The following DSTYK variants were observed in gnomAD, a reference collection of about 807,000 sequenced individuals.
DSTYK encodes dual serine/threonine and tyrosine protein kinase.
DSTYK carries 34 observed loss-of-function variants against 98.7 expected under a neutral mutation model. That is an observed-to-expected ratio of 0.34 (90% CI 0.26 to 0.46). DSTYK has a LOEUF of 0.46. Ranked by LOEUF, DSTYK falls within the 20% of genes least tolerant of loss-of-function variation. DSTYK has a pLI of 1.00. For synonymous variants in DSTYK, 462 were observed against 457.3 expected, an observed-to-expected ratio of 1.01 and a Z score of -0.13; for missense variants, 962 against 1,181.7, an observed-to-expected ratio of 0.81 and a Z score of 2.73.
chr1:205,193,905 C>T (rs552492198), intron 1 of DSTYK, among the ~76,000 whole-genome samples: 1 of 151,624 alleles, frequency 6.6e-6, no homozygotes, highest in South Asian at 2.1e-4. Context: ...ACTAGCAATC[C>T]TCTTCTCTGA....
intron 1 of DSTYK, among the ~76,000 whole-genome samples, chr1:205,189,399 A>G (rs1006515658): frequency 1.3e-5 from 2 of 152,264 alleles, no homozygotes; most frequent in African/African-American, 4.8e-5. Context: ...GCATTTGTTC[A>G]GAAAAGCACA....
intron 5 of DSTYK, 33 bp from the exon 6 acceptor site, chr1:205,162,245 A>T (rs745591648): frequency 1.3e-5 from 21 of 1,607,464 alleles, no homozygotes; most frequent in Middle Eastern, 3.3e-4. Context: ...ATCACCAAGG[A>T]ATGAGAGACA....
At chr1:205,163,329 C>T (rs1291352903) in intron 4 of DSTYK, among the ~76,000 whole-genome samples, 2 of 152,052 alleles carry the variant, frequency 1.3e-5, no homozygotes, top group African/African-American at 4.8e-5. Context: ...AAGCGATTCT[C>T]CTGCCTCAGC....
intron 3 of DSTYK, among the ~76,000 whole-genome samples, 190 bp from the exon 4 acceptor site, chr1:205,164,145 C>T (rs1373240039): frequency 6.6e-6 from 1 of 152,118 alleles, no homozygotes; most frequent in African/African-American, 2.4e-5. Flanking sequence ...CTAAAGGCAG[C>T]TAAGATCCTG....
Position 205,144,543 on chromosome 1 carries a change from A to C in DSTYK, c.*3015T>G, listed in dbSNP as rs899854959. ...ATGGATGCCAAAGAACAAAGCCAAA[A>C]TTAGCTGACAATGTTATAAAACAAA... is the stretch of plus-strand genomic sequence containing the variant. On this transcript the variant is annotated 3_prime_UTR_variant, in exon 13 of 13. Coordinates refer to ENST00000367162, the MANE Select transcript of DSTYK (RefSeq NM_015375.3). The C allele has an allele frequency of 6.6e-6, 1 of 152,622 alleles. No individual in the cohort carries two copies. Among genetic ancestry groups the C allele is most frequent in the Admixed American group, 6.5e-5 (1 of 15,282 alleles). The allele number at this position is 152,622 out of a possible 1,614,324, so 9.5% of individuals were successfully genotyped here. A position where few individuals can be genotyped will look rare whatever the true frequency, so the allele number is the denominator to read the frequency against.
At chr1:205,189,744 C>G (rs1658657030) in intron 1 of DSTYK, among the ~76,000 whole-genome samples, 1 of 152,138 alleles carries the variant, frequency 6.6e-6, no homozygotes, top group Non-Finnish European at 1.5e-5. Flanking sequence ...TAGGGCCCTT[C>G]TTTTCATGTC....
intron 10 of DSTYK, among the ~76,000 whole-genome samples, chr1:205,151,866 A>G (rs1657416105): frequency 6.6e-6 from 1 of 151,524 alleles, no homozygotes; most frequent in Non-Finnish European, 1.5e-5. Flanking sequence ...TGACAGCAAC[A>G]CCTTCTTCTG....
intron 2 of DSTYK, among the ~76,000 whole-genome samples, chr1:205,182,365 T>G (rs962236496): frequency 6.6e-6 from 1 of 151,710 alleles, no homozygotes; most frequent in South Asian, 2.1e-4. Flanking sequence ...ACTCCCAGCC[T>G]GGACAACAGA....
At chr1:205,172,006 A>G (rs1033497828) in intron 2 of DSTYK, among the ~76,000 whole-genome samples, 5 of 152,202 alleles carry the variant, frequency 3.3e-5, no homozygotes. Flanking sequence ...CCCATGCTGG[A>G]GTGCAATGGC....
chr1:205,192,999 T>C (rs1221217207), intron 1 of DSTYK, among the ~76,000 whole-genome samples: 3 of 152,170 alleles, frequency 2.0e-5, no homozygotes, highest in Non-Finnish European at 4.4e-5. Flanking sequence ...TTAGTAACTG[T>C]AGGACCTCAA....
Position 205,147,701 on chromosome 1 carries a change from G to C in DSTYK, c.2647C>G (p.Gln883Glu). The change falls in exon 13 of 13, where the codon CAG becomes GAG. Residue 883 changes from glutamine to glutamate, a missense_variant. Transcript: ENST00000367162. ...CCATCCCAACAGGCTTCCATCAACT[G>C]CCAGCACTCCTCATCAAACACAGGA... ...RLPVFDEECW[Q>E]LMEACWDGDP... is the part of the protein sequence containing the mutation. The C allele has an allele frequency of 1.9e-6, 3 of 1,614,060 alleles. No individual in the cohort carries two copies. Among genetic ancestry groups the C allele is most frequent in the Non-Finnish European group, 2.5e-6 (3 of 1,179,992 alleles).
At chr1:205,172,522 G>T (rs1355597135) in intron 2 of DSTYK, among the ~76,000 whole-genome samples, 9 of 144,338 alleles carry the variant, frequency 6.2e-5, no homozygotes, top group Non-Finnish European at 1.2e-4. Flanking sequence ...TTGCCATGTT[G>T]CCCAGGTTGG....
intron 2 of DSTYK, among the ~76,000 whole-genome samples, chr1:205,182,263 T>C (rs796144647): frequency 6.6e-6 from 1 of 151,554 alleles, no homozygotes; most frequent in African/African-American, 2.4e-5. Context: ...TAGTCAGGCA[T>C]GGTGACGCAC....
chr1:205,177,302 T>C (rs1658260811), intron 2 of DSTYK, among the ~76,000 whole-genome samples: 1 of 152,202 alleles, frequency 6.6e-6, no homozygotes, highest in Middle Eastern at 3.4e-3. Context: ...TTCTCTAGAG[T>C]TCTGAAGCCT....
chr1:205,175,621 G>A (rs1658206308), intron 2 of DSTYK, among the ~76,000 whole-genome samples: 1 of 152,130 alleles, frequency 6.6e-6, no homozygotes, highest in Non-Finnish European at 1.5e-5. Flanking sequence ...GTGAAGGGAT[G>A]ACTCATGCTT....
intron 5 of DSTYK, among the ~76,000 whole-genome samples, 157 bp downstream of exon 5, chr1:205,162,766 T>C (rs1221646486): frequency 1.3e-5 from 2 of 152,194 alleles, no homozygotes; most frequent in Non-Finnish European, 2.9e-5. Context: ...TATTTAAGAA[T>C]AGGCATAAAC....
Position 205,162,168 on chromosome 1 carries a change from C to CAT in DSTYK, c.1685_1686insAT (p.Glu563TrpfsTer54). 6.2e-7 allele frequency: 1 copy of CAT among 1,614,178 alleles called. No individual in the cohort carries two copies. Among genetic ancestry groups the CAT allele is most frequent in the Non-Finnish European group, 8.5e-7 (1 of 1,180,006 alleles). On this transcript the variant is annotated frameshift_variant, in exon 6 of 13. Coordinates refer to ENST00000367162, the MANE Select transcript of DSTYK (RefSeq NM_015375.3). LOFTEE classifies it high-confidence loss of function. ...CCTGGGCCACCTTCCTCTTCCATTC[C>CAT]AGAGTGATGGCAGGTGGGCTCACCC...
In DSTYK at chr1:205,169,331, T is replaced by C. The variant is rs993731260; in HGVS notation, c.1156A>G (p.Ile386Val). 6.2e-7 allele frequency: 1 copy of C among 1,614,064 alleles called. No homozygotes were observed. Reference sequence around the variant, plus strand: ...GTATATTCCAGACGTTTGGGAGTGATCTGCAGGTCCCGCTGCATGTCAAAT... The same window carrying C: ...GTATATTCCAGACGTTTGGGAGTGACCTGCAGGTCCCGCTGCATGTCAAAT... ...QAFDMQRDLQ[I>V]TPKRLEYTRK... is the part of the protein sequence containing the mutation. The change falls in exon 3 of 13, where the codon ATC becomes GTC. Residue 386 changes from isoleucine to valine, a missense_variant. Ile to Val is a conservative substitution (Grantham distance 29). Transcript: ENST00000367162. This position sits in a 1 kb window ranked among gnomAD's most constrained non-coding sequence, Gnocchi z 4.0.
chr1:205,208,577 T>C (rs1241935279), intron 1 of DSTYK, among the ~76,000 whole-genome samples: 1 of 152,122 alleles, frequency 6.6e-6, no homozygotes, highest in Non-Finnish European at 1.5e-5. Context: ...CTAACATTCA[T>C]AAAAGAAAGT....
Sources: gnomAD v4.1 joint callset for allele counts (sites outside exome capture counted in the v4.1 genomes callset) on GRCh38, gnomAD v4.1.1 for gene constraint, Gnocchi (gnomAD v3.1) non-coding constraint, MANE v1.5 for transcripts, NCBI Gene and HGNC (gene_info 2026-07-23, HGNC 2026-07-21) for gene names.